The following SPATA13 variants were observed in gnomAD, a reference collection of about 807,000 sequenced individuals.
SPATA13 encodes the protein spermatogenesis-associated protein 13.
In SPATA13, 50 loss-of-function variants were observed where a neutral mutation model predicts 104.0. The ratio of observed to expected loss-of-function variants is 0.48; its 90% CI spans 0.38 to 0.61. The LOEUF (loss-of-function observed/expected upper bound fraction) is 0.61, where lower values mean the gene tolerates loss of function less well. Among genes scored for constraint, SPATA13 ranks in the 20% least tolerant of loss-of-function variants. The pLI is 0.00. For synonymous variants in SPATA13, 606 were observed against 667.5 expected (o/e 0.91, Z 1.42); for missense variants, 1,524 against 1,690.6 (o/e 0.90, Z 1.73).
At chr13:24,080,110 T>A (rs77596724) in intron 3 of SPATA13, among the ~76,000 whole-genome samples, 9,213 of 152,294 alleles carry the variant, frequency 0.06, 391 homozygotes, top group Middle Eastern at 0.13. Context: ...TATGAAGAAA[T>A]TACTTCTTGG....
At chr13:24,301,457 T>C (rs957320195) in intron 12 of SPATA13, among the ~76,000 whole-genome samples, 5 of 152,242 alleles carry the variant, frequency 3.3e-5, no homozygotes, top group African/African-American at 1.2e-4. Flanking sequence ...TTTTTTTAAA[T>C]CTCCACTTCT....
chr13:24,275,944 C>A (rs1443565930), intron 4 of SPATA13, among the ~76,000 whole-genome samples: 3 of 152,146 alleles, frequency 2.0e-5, no homozygotes, highest in African/African-American at 7.2e-5. Context: ...TCACCCCTCC[C>A]CCAAAAAATG....
chr13:24,287,091 C>T, intron 7 of SPATA13, 141 bp downstream of exon 7: 1 of 701,294 alleles, frequency 1.4e-6, no homozygotes, highest in East Asian at 2.8e-5. Flanking sequence ...GCTGTCTGCA[C>T]TGCTAAGTCT....
intron 2 of SPATA13, among the ~76,000 whole-genome samples, chr13:23,997,434 T>C (rs1206242406): frequency 6.6e-6 from 1 of 152,234 alleles, no homozygotes; most frequent in East Asian, 1.9e-4. Context: ...ACAAAAGAAA[T>C]CATATACTAT....
chr13:24,116,772 C>G (rs10047720), intron 3 of SPATA13, among the ~76,000 whole-genome samples: 8 of 124,100 alleles, frequency 6.4e-5, no homozygotes, highest in African/African-American at 2.8e-4. Context: ...CCTACCAGCC[C>G]CCCCCCCCCA....
At chr13:24,241,661 T>C (rs901486374) in intron 2 of SPATA13, among the ~76,000 whole-genome samples, 7 of 152,212 alleles carry the variant, frequency 4.6e-5, no homozygotes, top group African/African-American at 1.7e-4. Flanking sequence ...GCCCCGTTTA[T>C]GGGGCACCTC....
intron 3 of SPATA13, among the ~76,000 whole-genome samples, chr13:24,084,981 A>G (rs1268098001): frequency 1.3e-5 from 2 of 152,214 alleles, no homozygotes; most frequent in African/African-American, 4.8e-5. Flanking sequence ...AACTAATCAT[A>G]AGATGCTAGG....
chr13:24,026,640 T>G (rs926647870), intron 3 of SPATA13, among the ~76,000 whole-genome samples: 2 of 152,190 alleles, frequency 1.3e-5, no homozygotes, highest in Non-Finnish European at 2.9e-5. Flanking sequence ...TGCAGTGGTG[T>G]GATCTCAGCT....
intron 2 of SPATA13, among the ~76,000 whole-genome samples, chr13:24,000,857 A>G (rs990340811): frequency 6.6e-6 from 1 of 151,838 alleles, no homozygotes; most frequent in East Asian, 1.9e-4. Context: ...AGAGCCCTGG[A>G]TGAGAAGTGT....
chr13:24,100,157 A>G (rs1040108788), intron 3 of SPATA13, among the ~76,000 whole-genome samples: 1 of 151,738 alleles, frequency 6.6e-6, no homozygotes, highest in African/African-American at 2.4e-5. Flanking sequence ...AAAAAAAAGA[A>G]TCAAACCAAG....
At chr13:24,173,063 T>A (rs1883045839) in intron 1 of SPATA13, among the ~76,000 whole-genome samples, 1 of 152,194 alleles carries the variant, frequency 6.6e-6, no homozygotes, top group Admixed American at 6.5e-5. Flanking sequence ...TTTGAGTCAT[T>A]ACAAAGTGGT....
At chr13:24,224,796 G>A (rs1230941966) in intron 2 of SPATA13, 1 of 635,576 alleles carries the variant, frequency 1.6e-6, no homozygotes, top group Non-Finnish European at 2.9e-6. Flanking sequence ...GACAATGTAC[G>A]AGATTCATTG....
intron 3 of SPATA13, among the ~76,000 whole-genome samples, chr13:24,019,734 A>G (rs763693644): frequency 2.6e-4 from 40 of 152,228 alleles, no homozygotes; most frequent in Admixed American, 5.2e-4. Flanking sequence ...GACATTTTGA[A>G]ATACTCGTTG....
intron 3 of SPATA13, among the ~76,000 whole-genome samples, chr13:24,076,973 G>A (rs371501038): frequency 2.0e-5 from 3 of 152,034 alleles, no homozygotes; most frequent in Non-Finnish European, 2.9e-5. Context: ...GGGGGATACG[G>A]CAAAGTCCTT....
Position 24,303,281 on chromosome 13 carries a change from TG to T in SPATA13, c.*513del. 1 of 400,520 alleles carries T rather than the reference TG, an allele frequency of 2.5e-6. No homozygotes were observed. Among genetic ancestry groups the T allele is most frequent in the East Asian group, 8.4e-5 (1 of 11,940 alleles). 24.8% of individuals were successfully genotyped at this position (400,520 alleles called of 1,614,324 possible). A position where few individuals can be genotyped will look rare whatever the true frequency, so the allele number is the denominator to read the frequency against. On this transcript the variant is annotated 3_prime_UTR_variant, in exon 13 of 13. Transcript: ENST00000382108. ...GAGCTCTTACTCTCTTCTGTAATAC[TG>T]GGGGACCTACAGCTGCCGTGGGGCT...
intron 1 of SPATA13, among the ~76,000 whole-genome samples, chr13:24,171,663 G>T (rs1222160614): frequency 6.6e-6 from 1 of 152,226 alleles, no homozygotes; most frequent in Non-Finnish European, 1.5e-5. Flanking sequence ...TGTATCAGTG[G>T]TGAGGTTTGG....
Position 24,085,441 on chromosome 13 carries a change from A to G in SPATA13, c.-112+67740A>G, listed in dbSNP as rs369237405. On this transcript the variant is annotated intron_variant, in intron 3 of 14. Coordinates refer to the SPATA13 transcript ENST00000424834. The stretch of plus-strand genomic sequence containing the variant: ...CGCGTCCAGCTTCTGCCTGCTTTTT[A>G]ATAAGCAACATTGGCCAACTTAGAA... 1.8e-4 allele frequency among the ~76,000 whole-genome samples: 27 copies of G among 152,226 alleles called. No individual in the cohort carries two copies. In the South Asian group the frequency reaches 5.4e-3, roughly 30 times the overall value.
At chr13:24,093,197 T>C (rs967064830) in intron 3 of SPATA13, among the ~76,000 whole-genome samples, 3 of 152,242 alleles carry the variant, frequency 2.0e-5, no homozygotes, top group African/African-American at 7.2e-5. Flanking sequence ...AGTGGGAATC[T>C]GCTGTGTCTC....
At chr13:24,109,204 C>T (rs1203067780) in intron 3 of SPATA13, among the ~76,000 whole-genome samples, 1 of 152,076 alleles carries the variant, frequency 6.6e-6, no homozygotes, top group Non-Finnish European at 1.5e-5. Flanking sequence ...TGAAAACATG[C>T]GGTGTTTGGT....
Sources: gnomAD v4.1 joint callset for allele counts (sites outside exome capture counted in the v4.1 genomes callset) on GRCh38, gnomAD v4.1.1 for gene constraint, MANE v1.5 for transcripts, NCBI Gene and HGNC (gene_info 2026-07-23, HGNC 2026-07-21) for gene names.